The following POLR3B variants were observed in gnomAD, a reference collection of about 807,000 sequenced individuals.
The protein encoded by POLR3B is DNA-directed RNA polymerase III subunit RPC2.
A neutral mutation model predicts 147.4 loss-of-function variants in POLR3B; 96 were observed. The ratio of observed to expected loss-of-function variants is 0.65; its 90% CI spans 0.55 to 0.77. POLR3B has a LOEUF of 0.77. Ranked by LOEUF, POLR3B falls within the 30% of genes least tolerant of loss-of-function variation. The probability of loss-of-function intolerance (pLI) is 0.00; values close to 1 mark genes in which losing one functional copy is unlikely to be tolerated. For missense variants in POLR3B, 1,036 were observed against 1,413.5 expected (o/e 0.73, Z 4.28); for synonymous variants, 461 against 485.9 (o/e 0.95, Z 0.67).
Position 106,463,108 on chromosome 12 carries a change from G to A in POLR3B, c.2571-370G>A, listed in dbSNP as rs1224164137. Among the ~76,000 whole-genome samples, 6 of 152,148 alleles carry A rather than the reference G, an allele frequency of 3.9e-5. No homozygotes were observed. The East Asian group carries it at 1.2e-3, about 29-fold the overall frequency. On this transcript the variant is annotated intron_variant, in intron 22 of 27. Coordinates refer to ENST00000228347, the MANE Select transcript of POLR3B (RefSeq NM_018082.6). ...ATTGAAAAGCTGAGTAAGTAAAAGTGCTATTACTATTAAGAACTAGGAGTT... is the reference window on the plus strand; with the variant it reads ...ATTGAAAAGCTGAGTAAGTAAAAGTACTATTACTATTAAGAACTAGGAGTT...
rs931498836 is a variant in POLR3B at position 106,361,437 on chromosome 12, T to C, written c.73-2433T>C. 1.6e-4 allele frequency among the ~76,000 whole-genome samples: 24 copies of C among 152,208 alleles called. 1 individual carries two copies. Among genetic ancestry groups the C allele is most frequent in the Admixed American group, 1.6e-3 (24 of 15,286 alleles). On this transcript the variant is annotated intron_variant, in intron 1 of 27. Transcript: ENST00000228347. ...GGGGAAGATTTAATTTTGGACATAC[T>C]GATCTTAAGTAGCCTCTGAGGCTGT...
chr12:106,465,751 T>C (rs1322154558), intron 23 of POLR3B, among the ~76,000 whole-genome samples: 1 of 152,180 alleles, frequency 6.6e-6, no homozygotes, highest in Non-Finnish European at 1.5e-5. Flanking sequence ...CTGAGAATGA[T>C]GGTTTCCAGC....
intron 25 of POLR3B, among the ~76,000 whole-genome samples, chr12:106,498,766 A>C (rs542102045): frequency 4.6e-5 from 7 of 152,038 alleles, no homozygotes; most frequent in Admixed American, 4.6e-4. Flanking sequence ...TTGTATTTTG[A>C]GTAGAGACGA....
At chr12:106,415,995 G>A (rs750977478) in intron 12 of POLR3B, among the ~76,000 whole-genome samples, 6 of 152,112 alleles carry the variant, frequency 3.9e-5, no homozygotes, top group Non-Finnish European at 8.8e-5. Flanking sequence ...ACCATTGGAA[G>A]CTCTTGCCCT....
chr12:106,393,003 C>G, intron 9 of POLR3B, 28 bp from the exon 10 acceptor site: 1 of 1,613,894 alleles, frequency 6.2e-7, no homozygotes, highest in South Asian at 1.1e-5. Flanking sequence ...AAAGCCAACA[C>G]TCTTTCTATC....
intron 23 of POLR3B, among the ~76,000 whole-genome samples, chr12:106,471,274 G>A (rs1161834969): frequency 6.6e-6 from 1 of 152,158 alleles, no homozygotes; most frequent in Admixed American, 6.5e-5. Context: ...CCAAGCCCAG[G>A]CACAGGAGGG....
At chr12:106,429,653 T>G (rs2137001358) in intron 13 of POLR3B, among the ~76,000 whole-genome samples, 1 of 152,298 alleles carries the variant, frequency 6.6e-6, no homozygotes, top group Non-Finnish European at 1.5e-5. Context: ...CATATGAATC[T>G]ATTTTAATAA....
intron 23 of POLR3B, among the ~76,000 whole-genome samples, chr12:106,475,963 G>T (rs944305591): frequency 1.3e-5 from 2 of 150,464 alleles, no homozygotes; most frequent in African/African-American, 4.9e-5. Flanking sequence ...TCCTAGTCTC[G>T]ATGGTCTTTA....
At chr12:106,388,604 A>C (rs1016958728) in intron 9 of POLR3B, among the ~76,000 whole-genome samples, 1 of 152,100 alleles carries the variant, frequency 6.6e-6, no homozygotes, top group Non-Finnish European at 1.5e-5. Flanking sequence ...GCGTGAGCCA[A>C]TGTGCCTGGC....
chr12:106,381,085 A>T (rs2036756814), intron 9 of POLR3B, among the ~76,000 whole-genome samples: 1 of 152,236 alleles, frequency 6.6e-6, no homozygotes, highest in Admixed American at 6.5e-5. Flanking sequence ...ATAATCTTTC[A>T]GTGAGTTATA....
At chr12:106,409,938 G>A (rs565414548) in intron 11 of POLR3B, among the ~76,000 whole-genome samples, 3 of 152,212 alleles carry the variant, frequency 2.0e-5, no homozygotes, top group African/African-American at 7.2e-5. Flanking sequence ...TATTTTATCA[G>A]TTCTGAGTCA....
intron 22 of POLR3B, among the ~76,000 whole-genome samples, chr12:106,459,963 A>G (rs2037912994): frequency 6.6e-6 from 1 of 152,216 alleles, no homozygotes; most frequent in African/African-American, 2.4e-5. Context: ...GGCCAATGAT[A>G]GTCACCACAT....
Position 106,366,703 on chromosome 12 carries a change from G to A in POLR3B, c.208G>A (p.Asp70Asn), listed in dbSNP as rs764541119. 2 of 1,612,990 alleles carry A rather than the reference G, an allele frequency of 1.2e-6. No individual in the cohort carries two copies. Among genetic ancestry groups the A allele is most frequent in the East Asian group, 4.5e-5 (2 of 44,872 alleles). The change falls in exon 4 of 28, where the codon GAC becomes AAC. Residue 70 changes from aspartate (D) to asparagine (N), a missense_variant. Physicochemically the swap from Asp to Asn is conservative, Grantham distance 23 (BLOSUM62 1). Coordinates refer to ENST00000228347, the MANE Select transcript of POLR3B (RefSeq NM_018082.6). Reference sequence around the variant, plus strand: ...CAATGAAAAGGTTACAAGTGACGCTGACCCTATGTGGTACTTAAAGTAAGG... The same window carrying A: ...CAATGAAAAGGTTACAAGTGACGCTAACCCTATGTGGTACTTAAAGTAAGG... ...KANEKVTSDADPMWYLKYLNI... is the reference protein window; with the variant it reads ...KANEKVTSDANPMWYLKYLNI...
At chr12:106,404,035 T>G (rs2037113186) in intron 10 of POLR3B, among the ~76,000 whole-genome samples, 1 of 151,948 alleles carries the variant, frequency 6.6e-6, no homozygotes, top group Non-Finnish European at 1.5e-5. Flanking sequence ...ATATACCTTG[T>G]TCCAAAATGA....
At chr12:106,471,798 T>A (rs1026386509) in intron 23 of POLR3B, among the ~76,000 whole-genome samples, 97 of 152,290 alleles carry the variant, frequency 6.4e-4, no homozygotes, top group African/African-American at 2.3e-3. Flanking sequence ...GTTGATGGAT[T>A]GATTTTATTC....
intron 23 of POLR3B, 91 bp downstream of exon 23, chr12:106,463,711 T>C (rs2137037116): frequency 1.8e-6 from 2 of 1,100,732 alleles, no homozygotes; most frequent in Middle Eastern, 2.0e-4. Context: ...TTAAAAAATT[T>C]ACTTTGGAAA....
intron 16 of POLR3B, among the ~76,000 whole-genome samples, chr12:106,434,419 G>A (rs2037550119): frequency 6.6e-6 from 1 of 152,076 alleles, no homozygotes; most frequent in Non-Finnish European, 1.5e-5. Context: ...GGAGGTAGGT[G>A]GGGAGGAGAA....
At chr12:106,375,131 C>G (rs993766144) in intron 6 of POLR3B, among the ~76,000 whole-genome samples, 3 of 152,228 alleles carry the variant, frequency 2.0e-5, no homozygotes, top group Admixed American at 2.0e-4. Flanking sequence ...TCTCTTCAAG[C>G]ACATTGGTTG....
chr12:106,499,420 A>G (rs1232510225), intron 25 of POLR3B, among the ~76,000 whole-genome samples: 2 of 152,124 alleles, frequency 1.3e-5, no homozygotes, highest in Non-Finnish European at 2.9e-5. Flanking sequence ...TTTCTTTGCC[A>G]TTTATTTCAG....
Sources: gnomAD v4.1 joint callset for allele counts (sites outside exome capture counted in the v4.1 genomes callset) on GRCh38, gnomAD v4.1.1 for gene constraint, MANE v1.5 for transcripts, NCBI Gene and HGNC (gene_info 2026-07-23, HGNC 2026-07-21) for gene names.